The following KDM2B variants were observed in gnomAD, a reference collection of about 807,000 sequenced individuals.
KDM2B encodes lysine demethylase 2B.
In KDM2B, 26 loss-of-function variants were observed where a neutral mutation model predicts 150.0. The ratio of observed to expected loss-of-function variants is 0.17; its 90% CI spans 0.13 to 0.24. The LOEUF is 0.24. KDM2B is among the 10% of genes least tolerant of loss of function. KDM2B has a pLI of 1.00. For missense variants in KDM2B, 1,265 were observed against 1,816.9 expected (o/e 0.70, Z 5.52); for synonymous variants, 734 against 729.5 (o/e 1.01, Z -0.10).
intron 12 of KDM2B, 64 bp downstream of exon 12, chr12:121,494,515 C>T (rs1365994025): frequency 7.6e-7 from 1 of 1,313,488 alleles, no homozygotes; most frequent in Non-Finnish European, 1.1e-6. Flanking sequence ...CGCGGCTGTT[C>T]ACCCTACAGG....
intron 6 of KDM2B, 35 bp downstream of exon 6, chr12:121,548,842 C>G (rs1400057733): frequency 1.3e-6 from 2 of 1,557,402 alleles, no homozygotes; most frequent in Non-Finnish European, 1.8e-6. Context: ...GGGGGTCAAC[C>G]CTGCCAGCTC....
rs187084189 is a variant in KDM2B, at chr12:121,429,577, T to C, written c.*711A>G. 8.8e-5 allele frequency: 15 copies of C among 170,436 alleles called. No individual in the cohort carries two copies. The highest frequency in any genetic ancestry group is 1.5e-4 in the Non-Finnish European group (12 of 79,194). 10.6% of individuals were successfully genotyped at this position (170,436 alleles called of 1,614,324 possible). ...TTTACATTTATCCACAACATGCTCATGTAACTCTTGAGGTACAAAGCAGAC... is the reference window on the plus strand; with the variant it reads ...TTTACATTTATCCACAACATGCTCACGTAACTCTTGAGGTACAAAGCAGAC... On this transcript the variant is annotated 3_prime_UTR_variant, in exon 23 of 23. Transcript: ENST00000377071.
intron 10 of KDM2B, among the ~76,000 whole-genome samples, chr12:121,512,483 C>CA (rs1205419048): frequency 6.6e-6 from 1 of 151,876 alleles, no homozygotes; most frequent in African/African-American, 2.4e-5. Flanking sequence ...TGCAGACCCT[C>CA]AAGGAGACAG....
At chr12:121,460,184 A>C (rs1566292744) in intron 12 of KDM2B, among the ~76,000 whole-genome samples, 1 of 152,220 alleles carries the variant, frequency 6.6e-6, no homozygotes, top group African/African-American at 2.4e-5. Context: ...TATGTATCTG[A>C]TTTGATGCTA....
chr12:121,529,738 T>C (rs1887465604), intron 8 of KDM2B, among the ~76,000 whole-genome samples: 1 of 151,588 alleles, frequency 6.6e-6, no homozygotes, highest in African/African-American at 2.4e-5. Context: ...GAGACCTGCC[T>C]GGACAACATG....
chr12:121,548,828 G>T, intron 6 of KDM2B, 49 bp downstream of exon 6: 1 of 1,467,098 alleles, frequency 6.8e-7, no homozygotes, highest in Non-Finnish European at 9.6e-7. Context: ...ACCTCCCCAA[G>T]CCTGGGGGTC....
At chr12:121,492,719 C>A (rs1388093067) in intron 12 of KDM2B, among the ~76,000 whole-genome samples, 1 of 151,272 alleles carries the variant, frequency 6.6e-6, no homozygotes, top group African/African-American at 2.4e-5. Flanking sequence ...ATCCCAGCTA[C>A]TCAGGAGACT....
chr12:121,514,373 G>C (rs1235877457), intron 9 of KDM2B, among the ~76,000 whole-genome samples: 1 of 152,124 alleles, frequency 6.6e-6, no homozygotes, highest in Non-Finnish European at 1.5e-5. Flanking sequence ...AGACAGCTTT[G>C]TGTACTAGAA....
intron 12 of KDM2B, among the ~76,000 whole-genome samples, chr12:121,491,002 G>T (rs1315892449): frequency 6.6e-6 from 1 of 152,152 alleles, no homozygotes; most frequent in African/African-American, 2.4e-5. Context: ...ATGGGAGGAA[G>T]CTGCAACCTG....
At chr12:121,420,860 C>A in the KDM2B span, 2 of 1,030,170 alleles carry the variant, frequency 1.9e-6, no homozygotes, top group East Asian at 4.8e-5. Context: ...ACAATTAAGT[C>A]AAATTTATTT....
Position 121,478,865 on chromosome 12 carries a change from T to TG in KDM2B, c.1734+15713_1734+15714insC, listed in dbSNP as rs1555297296. Among the ~76,000 whole-genome samples the TG allele has an allele frequency of 1.4e-3, 177 of 123,066 alleles. 3 individuals carry two copies. The highest frequency in any genetic ancestry group is 0.014 in the East Asian group (56 of 3,920). 80.7% of individuals were successfully genotyped at this position (123,066 alleles called of 152,430 possible). ...ACCACAACCGGCTAATTTTTGTTTG[T>TG]TTGTGTGTGTGTGTGTGTGTGTGTG... On this transcript the variant is annotated intron_variant, in intron 12 of 22. Transcript: ENST00000377071.
At chr12:121,425,020 G>A (rs1205348928), downstream of KDM2B, among the ~76,000 whole-genome samples, 2 of 152,140 alleles carry the variant, frequency 1.3e-5, no homozygotes, top group Non-Finnish European at 2.9e-5. Flanking sequence ...CATAAGAAAT[G>A]AGAAACTTGG....
At chr12:121,576,858 A>G (rs1437837759) in intron 2 of KDM2B, among the ~76,000 whole-genome samples, 1 of 152,238 alleles carries the variant, frequency 6.6e-6, no homozygotes, top group Non-Finnish European at 1.5e-5. Context: ...CTGCTAGCCC[A>G]GGGAAACAGT....
At chr12:121,546,336 C>T (rs1366238362) in intron 6 of KDM2B, among the ~76,000 whole-genome samples, 1 of 151,650 alleles carries the variant, frequency 6.6e-6, no homozygotes, top group African/African-American at 2.4e-5. Flanking sequence ...TTTTTCGGGG[C>T]CCTTTTCACT....
At chr12:121,536,660 G>A (rs1384607984) in intron 6 of KDM2B, among the ~76,000 whole-genome samples, 1 of 141,596 alleles carries the variant, frequency 7.1e-6, no homozygotes, top group African/African-American at 2.6e-5. Flanking sequence ...CTTCGTCTTG[G>A]TTTTTTTTTT....
chr12:121,475,097 A>G (rs1555296511), intron 12 of KDM2B, among the ~76,000 whole-genome samples: 1 of 151,988 alleles, frequency 6.6e-6, no homozygotes, highest in Non-Finnish European at 1.5e-5. Context: ...TATATCATCT[A>G]GGTTTGTATA....
chr12:121,467,126 T>C lies in KDM2B; in HGVS notation c.1735-13782A>G, dbSNP rs781801903. 4.6e-6 allele frequency: 5 copies of C among 1,094,474 alleles called. No individual in the cohort carries two copies. The highest frequency in any genetic ancestry group is 4.5e-6 in the Non-Finnish European group (4 of 882,352). The allele number at this position is 1,094,474 out of a possible 1,614,324, so 67.8% of individuals were successfully genotyped here. On this transcript the variant is annotated intron_variant, in intron 12 of 22. Coordinates refer to ENST00000377071, the MANE Select transcript of KDM2B (RefSeq NM_032590.5). This position sits in a 1 kb window ranked among gnomAD's most constrained non-coding sequence, Gnocchi z 5.1. The stretch of plus-strand genomic sequence containing the variant: ...GGCGGTCGGGAGGTCGTGCGGCGGG[T>C]CCCTCCCTCAGCCCCACCCCGGGCC...
Position 121,440,113 on chromosome 12 carries a change from G to T in KDM2B, c.3611-38C>A. 4 of 1,493,262 alleles carry T rather than the reference G, an allele frequency of 2.7e-6. No homozygotes were observed. The South Asian group carries it at 4.8e-5, about 18-fold the overall frequency. The allele number at this position is 1,493,262 out of a possible 1,614,324, so 92.5% of individuals were successfully genotyped here. A position where few individuals can be genotyped will look rare whatever the true frequency, so the allele number is the denominator to read the frequency against. ...GAAGGAGGGGGCAACCCGTCAATCT[G>T]ACCGAGGAGGCCTGGTCATGCTGAC... is the stretch of plus-strand genomic sequence containing the variant. On this transcript the variant is annotated intron_variant, in intron 21 of 22. Coordinates refer to ENST00000377071, the MANE Select transcript of KDM2B (RefSeq NM_032590.5).
At chr12:121,436,105 C>A (rs1873931936) in intron 22 of KDM2B, among the ~76,000 whole-genome samples, 1 of 152,220 alleles carries the variant, frequency 6.6e-6, no homozygotes, top group Non-Finnish European at 1.5e-5. Flanking sequence ...TCAGAGAATA[C>A]AGCTTGAAAA....
Sources: gnomAD v4.1 joint callset for allele counts (sites outside exome capture counted in the v4.1 genomes callset) on GRCh38, gnomAD v4.1.1 for gene constraint, Gnocchi (gnomAD v3.1) non-coding constraint, MANE v1.5 for transcripts, NCBI Gene and HGNC (gene_info 2026-07-23, HGNC 2026-07-21) for gene names.